Variants in JHY observed in about 807,000 individuals in gnomAD.
The protein encoded by JHY is jhy protein homolog.
JHY carries 69 observed loss-of-function variants against 78.0 expected under a neutral mutation model. That is an observed-to-expected ratio of 0.88 (90% CI 0.73 to 1.08). The LOEUF (loss-of-function observed/expected upper bound fraction) is 1.08. Ranked by LOEUF, JHY falls within the 50% of genes least tolerant of loss-of-function variation. The pLI, the probability that JHY is intolerant of heterozygous loss-of-function variation, is 0.00. For synonymous variants in JHY, 368 were observed against 342.6 expected, an observed-to-expected ratio of 1.07 and a Z score of -0.82; for missense variants, 944 against 927.8, an observed-to-expected ratio of 1.02 and a Z score of -0.23.
At chr11:122,940,623 A>C (rs1403958376) in intron 5 of JHY, among the ~76,000 whole-genome samples, 1 of 152,170 alleles carries the variant, frequency 6.6e-6, no homozygotes, top group Non-Finnish European at 1.5e-5. Context: ...TCCCTTTATA[A>C]GTAATTATTA....
intron 5 of JHY, among the ~76,000 whole-genome samples, chr11:122,944,190 A>C (rs1187094499): frequency 6.6e-6 from 1 of 152,180 alleles, no homozygotes; most frequent in Non-Finnish European, 1.5e-5. Flanking sequence ...AACTGAGACG[A>C]TGCCTCAAAA....
At chr11:122,946,382 A>G in intron 5 of JHY, 116 bp from the exon 6 acceptor site, 1 of 1,130,174 alleles carries the variant, frequency 8.8e-7, no homozygotes, top group South Asian at 1.7e-5. Context: ...AAGGTCATTA[A>G]TTTGATTTGA....
At chr11:122,928,806 G>C (rs1194534356) in intron 4 of JHY, among the ~76,000 whole-genome samples, 1 of 151,914 alleles carries the variant, frequency 6.6e-6, no homozygotes, top group Non-Finnish European at 1.5e-5. Flanking sequence ...CCGCCACCAC[G>C]CCCGGCTAAT....
At chr11:122,903,560 C>G (rs1862907094) in intron 2 of JHY, among the ~76,000 whole-genome samples, 1 of 152,116 alleles carries the variant, frequency 6.6e-6, no homozygotes, top group African/African-American at 2.4e-5. Flanking sequence ...CTCACTGTAG[C>G]CTCTAACTCC....
chr11:122,914,599 C>T (rs1304699576), intron 3 of JHY, among the ~76,000 whole-genome samples: 1 of 152,090 alleles, frequency 6.6e-6, no homozygotes, highest in East Asian at 1.9e-4. Context: ...CGTCTACCAC[C>T]ACGCCCGGCT....
In JHY at chr11:122,934,419, G is replaced by A; in HGVS notation, c.979-1G>A. On this transcript the variant is annotated splice_acceptor_variant, in intron 4 of 8. Coordinates refer to ENST00000227349, the MANE Select transcript of JHY (RefSeq NM_024806.4). LOFTEE classifies it high-confidence loss of function. ...TACATTAACCAAAAATATCTCTTTAGAATTACCAGGAACACTGGTCTCAAT... is the reference window on the plus strand; with the variant it reads ...TACATTAACCAAAAATATCTCTTTAAAATTACCAGGAACACTGGTCTCAAT... 1 of 1,573,036 alleles carries A rather than the reference G, an allele frequency of 6.4e-7. No individual in the cohort carries two copies. The highest frequency in any genetic ancestry group is 8.6e-7 in the Non-Finnish European group (1 of 1,156,700).
In JHY at chr11:122,943,752, A is replaced by G. The variant is rs573875770; in HGVS notation, c.1635-2746A>G. Among the ~76,000 whole-genome samples the G allele has an allele frequency of 1.8e-4, 28 of 152,294 alleles. No individual in the cohort carries two copies. The South Asian group carries it at 5.8e-3, about 32-fold the overall frequency. On this transcript the variant is annotated intron_variant, in intron 5 of 8. Coordinates refer to ENST00000227349, the MANE Select transcript of JHY (RefSeq NM_024806.4). ...TTAAAGTTTATGCTTTCTGATACTAATACAGCTACACCAGCTTTTTAAATT... is the reference window on the plus strand; with the variant it reads ...TTAAAGTTTATGCTTTCTGATACTAGTACAGCTACACCAGCTTTTTAAATT...
chr11:122,956,449 G>T (rs558006330), intron 6 of JHY, 47 bp from the exon 7 acceptor site: 1 of 1,562,180 alleles, frequency 6.4e-7, no homozygotes, highest in South Asian at 1.1e-5. Flanking sequence ...GGAGTCGGGG[G>T]ACACACAAGT....
intron 2 of JHY, 67 bp downstream of exon 2, chr11:122,886,260 C>T (rs999711784): frequency 9.2e-5 from 134 of 1,452,910 alleles, no homozygotes; most frequent in Middle Eastern, 5.5e-4. Context: ...TTACTGTCGT[C>T]ATTCCAAATT....
chr11:122,926,612 G>A (rs1863513625), intron 4 of JHY, among the ~76,000 whole-genome samples: 1 of 152,222 alleles, frequency 6.6e-6, no homozygotes, highest in Non-Finnish European at 1.5e-5. Flanking sequence ...ATGGCTGTGG[G>A]ATGTGGAGGA....
rs370843882 is a variant in JHY, at chr11:122,904,950, G to A, written c.864+506G>A. The stretch of plus-strand genomic sequence containing the variant: ...AACATGCCCCAGCTCACATACAGAA[G>A]CGATTCTCAACTCAGATTCTGTATA... On this transcript the variant is annotated intron_variant, in intron 3 of 8. Coordinates refer to ENST00000227349, the MANE Select transcript of JHY (RefSeq NM_024806.4). Among the ~76,000 whole-genome samples the A allele has an allele frequency of 7.2e-5, 11 of 152,222 alleles. No homozygotes were observed. In the East Asian group the frequency reaches 1.9e-3, roughly 27 times the overall value.
At chr11:122,947,392 T>C (rs932473877) in intron 6 of JHY, 3 of 152,322 alleles carry the variant, frequency 2.0e-5, no homozygotes, top group African/African-American at 4.8e-5. Flanking sequence ...CAAATCACCA[T>C]TACTAGCACC....
intron 3 of JHY, chr11:122,905,038 C>G: frequency 4.1e-6 from 3 of 728,050 alleles, no homozygotes; most frequent in Non-Finnish European, 6.7e-6. Context: ...TTTCAATCTT[C>G]AGATGTTTCT....
At chr11:122,894,017 G>T (rs548559589) in intron 2 of JHY, among the ~76,000 whole-genome samples, 1 of 152,032 alleles carries the variant, frequency 6.6e-6, no homozygotes, top group Non-Finnish European at 1.5e-5. Context: ...GCTAAATCTG[G>T]CACTTAAAAT....
Position 122,898,183 on chromosome 11 carries a change from T to TC in JHY, c.345-5740dup, listed in dbSNP as rs1315554969. Reference sequence around the variant, plus strand: ...AAGATCCAGCAGCCTGCTTCTGTTTTCCTTGCTGCTGTATCTTCTGTGCCT... The same window carrying TC: ...AAGATCCAGCAGCCTGCTTCTGTTTTCCCTTGCTGCTGTATCTTCTGTGCCT... On this transcript the variant is annotated intron_variant, in intron 2 of 8. Coordinates refer to ENST00000227349, the MANE Select transcript of JHY (RefSeq NM_024806.4). This position sits in a 1 kb window ranked among gnomAD's most constrained non-coding sequence, Gnocchi z 4.4. Among the ~76,000 whole-genome samples, 1 of 152,198 alleles carries TC rather than the reference T, an allele frequency of 6.6e-6. No individual in the cohort carries two copies. The highest frequency in any genetic ancestry group is 1.5e-5 in the Non-Finnish European group (1 of 68,028).
intron 4 of JHY, among the ~76,000 whole-genome samples, chr11:122,929,931 G>A (rs1016204818): frequency 1.3e-5 from 2 of 152,112 alleles, no homozygotes; most frequent in African/African-American, 4.8e-5. Context: ...AAAGTTTATT[G>A]GTGGCCTGAA....
At chr11:122,941,881 AT>A (rs1428686118) in intron 5 of JHY, among the ~76,000 whole-genome samples, 2 of 151,750 alleles carry the variant, frequency 1.3e-5, no homozygotes, top group African/African-American at 4.8e-5. Flanking sequence ...TTATTTATTT[AT>A]TTATTTTTAG....
intron 3 of JHY, among the ~76,000 whole-genome samples, chr11:122,911,905 C>CAAAAA (rs59941995): frequency 9.2e-4 from 46 of 49,738 alleles, no homozygotes; most frequent in African/African-American, 2.9e-3. Flanking sequence ...AACTCTGTCT[C>CAAAAA]AAAAAAAAAA....
intron 5 of JHY, among the ~76,000 whole-genome samples, chr11:122,939,006 G>A (rs1356883904): frequency 1.4e-5 from 2 of 144,642 alleles, no homozygotes; most frequent in African/African-American, 2.6e-5. Context: ...TTTTTTTTCC[G>A]GAGACGGAGT....
Sources: allele counts gnomAD v4.1 joint callset (sites outside exome capture counted in the v4.1 genomes callset), GRCh38; gene constraint gnomAD v4.1.1; non-coding constraint Gnocchi (gnomAD v3.1); transcripts MANE v1.5; gene names NCBI Gene and HGNC (gene_info 2026-07-23, HGNC 2026-07-21).